Variants in GRK5 observed in about 807,000 individuals in gnomAD.
The protein encoded by GRK5 is g protein-coupled receptor kinase GRK5.
Under a neutral mutation model 78.4 loss-of-function variants are expected in GRK5, and 40 were observed. The ratio of observed to expected loss-of-function variants is 0.51; its 90% CI spans 0.40 to 0.66. The LOEUF (loss-of-function observed/expected upper bound fraction) is 0.66, where lower values mean the gene tolerates loss of function less well. Among genes scored for constraint, GRK5 ranks in the 30% least tolerant of loss-of-function variants. The pLI is 0.00. For synonymous variants in GRK5, 289 were observed against 296.8 expected, an observed-to-expected ratio of 0.97 and a Z score of 0.27; for missense variants, 598 against 759.9, an observed-to-expected ratio of 0.79 and a Z score of 2.50.
At chr10:119,423,321 C>A in intron 5 of GRK5, 55 bp downstream of exon 5, 2 of 1,214,460 alleles carry the variant, frequency 1.6e-6, no homozygotes, top group Non-Finnish European at 1.2e-6. Flanking sequence ...AGATGGGATG[C>A]CGCAGCTCTC....
chr10:119,325,879 T>A (rs1850667875), intron 1 of GRK5, among the ~76,000 whole-genome samples: 1 of 152,260 alleles, frequency 6.6e-6, no homozygotes, highest in South Asian at 2.1e-4. Flanking sequence ...TGCGTGTGCA[T>A]GTTCATCATG....
At chr10:119,278,219 G>T (rs777598296) in intron 1 of GRK5, among the ~76,000 whole-genome samples, 1 of 152,062 alleles carries the variant, frequency 6.6e-6, no homozygotes, top group African/African-American at 2.4e-5. Context: ...CGGTCTAATG[G>T]CCCTGAGCGA....
chr10:119,362,675 A>G (rs533150269), intron 2 of GRK5, among the ~76,000 whole-genome samples: 3 of 152,186 alleles, frequency 2.0e-5, no homozygotes, highest in Non-Finnish European at 2.9e-5. Context: ...GGGGACCTTA[A>G]TTCCTCTGGG....
intron 1 of GRK5, among the ~76,000 whole-genome samples, chr10:119,245,963 T>G (rs1849102321): frequency 7.7e-6 from 1 of 129,482 alleles, no homozygotes; most frequent in Admixed American, 1.1e-4. Context: ...GAGCCTGCAG[T>G]GAGCCGAGAT....
At chr10:119,220,981 C>T (rs1176116950) in intron 1 of GRK5, among the ~76,000 whole-genome samples, 1 of 152,114 alleles carries the variant, frequency 6.6e-6, no homozygotes, top group African/African-American at 2.4e-5. Context: ...TGGCAAAACC[C>T]TGTCTCTACT....
intron 1 of GRK5, among the ~76,000 whole-genome samples, chr10:119,317,690 A>AGAGCCC (rs1229928388): frequency 6.6e-6 from 1 of 152,198 alleles, no homozygotes; most frequent in African/African-American, 2.4e-5. Flanking sequence ...TGTCAGAGTC[A>AGAGCCC]GAGCCCAGGA....
intron 1 of GRK5, among the ~76,000 whole-genome samples, chr10:119,285,344 G>A (rs1304051363): frequency 3.3e-5 from 5 of 152,152 alleles, no homozygotes; most frequent in African/African-American, 9.7e-5. Context: ...TGGGAGGGTG[G>A]GTGGTAAGAA....
At chr10:119,365,946 A>G (rs1283841189) in intron 2 of GRK5, among the ~76,000 whole-genome samples, 1 of 152,234 alleles carries the variant, frequency 6.6e-6, no homozygotes, top group Non-Finnish European at 1.5e-5. Flanking sequence ...GAATTCATTC[A>G]TTCATTCACT....
chr10:119,251,928 A>G (rs1215915988), intron 1 of GRK5, among the ~76,000 whole-genome samples: 2 of 152,214 alleles, frequency 1.3e-5, no homozygotes, highest in African/African-American at 4.8e-5. Context: ...CGCCCTGTGC[A>G]TATCCAATCC....
chr10:119,271,636 G>C lies in GRK5; in HGVS notation c.53-54880G>C, dbSNP rs1475972865. ...TCAGTGCTGGGCTGGTGTGTGCGGGGTTTTGTCGCCACCTTTGGCAATGGA... is the reference window on the plus strand; with the variant it reads ...TCAGTGCTGGGCTGGTGTGTGCGGGCTTTTGTCGCCACCTTTGGCAATGGA... On this transcript the variant is annotated intron_variant, in intron 1 of 15. Coordinates refer to ENST00000392870, the MANE Select transcript of GRK5 (RefSeq NM_005308.3). This position sits in a 1 kb window ranked among gnomAD's most constrained non-coding sequence, Gnocchi z 4.1. Among the ~76,000 whole-genome samples the C allele has an allele frequency of 6.6e-6, 1 of 152,170 alleles. No individual in the cohort carries two copies.
Position 119,218,074 on chromosome 10 carries a change from TTGTGTG to T in GRK5, c.52+10129_52+10134del, listed in dbSNP as rs59742803. ...GCATTTAGAAACCATGTCAACCCGT[TTGTGTG>T]TGTGTGTGTGTGTGTGTGTGTGTTG... On this transcript the variant is annotated intron_variant, in intron 1 of 15. Coordinates refer to ENST00000392870, the MANE Select transcript of GRK5 (RefSeq NM_005308.3). Among the ~76,000 whole-genome samples, 443 of 146,580 alleles carry T rather than the reference TTGTGTG, an allele frequency of 3.0e-3. 3 individuals carry two copies. The highest frequency in any genetic ancestry group is 0.01 in the African/African-American group (407 of 40,090).
intron 1 of GRK5, among the ~76,000 whole-genome samples, chr10:119,214,040 T>C (rs1331711495): frequency 6.6e-6 from 1 of 152,236 alleles, no homozygotes; most frequent in East Asian, 1.9e-4. Flanking sequence ...AGTGGCGCAG[T>C]CTGGGCTCAC....
chr10:119,251,923 T>C (rs891715185), intron 1 of GRK5, among the ~76,000 whole-genome samples: 2 of 152,234 alleles, frequency 1.3e-5, no homozygotes, highest in Non-Finnish European at 2.9e-5. Context: ...TTCTCCGCCC[T>C]GTGCATATCC....
chr10:119,279,115 C>T lies in GRK5; in HGVS notation c.53-47401C>T, dbSNP rs549013573. Among the ~76,000 whole-genome samples, 46 of 152,140 alleles carry T rather than the reference C, an allele frequency of 3.0e-4. No individual in the cohort carries two copies. The South Asian group carries it at 3.5e-3, about 12-fold the overall frequency. The stretch of plus-strand genomic sequence containing the variant: ...CAGGATGGTCTCGATCTCCTGACCT[C>T]GTGATCCACCCGCCTTGGCCTCCCA... On this transcript the variant is annotated intron_variant, in intron 1 of 15. Coordinates refer to ENST00000392870, the MANE Select transcript of GRK5 (RefSeq NM_005308.3).
chr10:119,210,553 A>C (rs1359853275), intron 1 of GRK5, among the ~76,000 whole-genome samples: 3 of 152,234 alleles, frequency 2.0e-5, no homozygotes, highest in African/African-American at 7.2e-5. Flanking sequence ...AATATTCAGA[A>C]ATGAAATCTT....
At chr10:119,226,221 G>A (rs1848736007) in intron 1 of GRK5, among the ~76,000 whole-genome samples, 1 of 151,166 alleles carries the variant, frequency 6.6e-6, no homozygotes, top group Non-Finnish European at 1.5e-5. Context: ...CTTGTGATCT[G>A]CCCGTCTCGG....
In GRK5 at chr10:119,453,288, A is replaced by G. The variant is rs765713436; in HGVS notation, c.1674+12A>G. The G allele has an allele frequency of 1.2e-6, 2 of 1,613,718 alleles. No individual in the cohort carries two copies. Among genetic ancestry groups the G allele is most frequent in the South Asian group, 2.2e-5 (2 of 91,080 alleles). On this transcript the variant is annotated intron_variant, in intron 15 of 15. Transcript: ENST00000392870. Reference sequence around the variant, plus strand: ...TCTTCAAGCGGCAGGTGAGACACCCATGCCTGGCCAGTCCTGGCATCAGCT... The same window carrying G: ...TCTTCAAGCGGCAGGTGAGACACCCGTGCCTGGCCAGTCCTGGCATCAGCT...
At chr10:119,381,037 A>C in intron 3 of GRK5, 110 bp downstream of exon 3, 1 of 664,364 alleles carries the variant, frequency 1.5e-6, no homozygotes, top group Non-Finnish European at 2.7e-6. Flanking sequence ...GAATAAACTC[A>C]CTGCTTACAA....
rs144720230 is a variant in GRK5 at position 119,404,738 on chromosome 10, G to T, written c.339+7966G>T. 5.3e-5 allele frequency among the ~76,000 whole-genome samples: 8 copies of T among 152,312 alleles called. No homozygotes were observed. The East Asian group carries it at 1.5e-3, about 29-fold the overall frequency. The stretch of plus-strand genomic sequence containing the variant: ...GATCAGGGCCAGGGGGCCAGGCCTG[G>T]TCCTTCATGGACATTCAGCCCCTTA... On this transcript the variant is annotated intron_variant, in intron 4 of 15. Transcript: ENST00000392870.
Sources: allele counts gnomAD v4.1 joint callset (sites outside exome capture counted in the v4.1 genomes callset), GRCh38; gene constraint gnomAD v4.1.1; non-coding constraint Gnocchi (gnomAD v3.1); transcripts MANE v1.5; gene names NCBI Gene and HGNC (gene_info 2026-07-23, HGNC 2026-07-21).